Variants in PPM1F observed in about 807,000 individuals in gnomAD.
PPM1F encodes protein phosphatase, Mg2+/Mn2+ dependent 1F, also known as protein phosphatase 1F.
PPM1F carries 17 observed loss-of-function variants against 35.5 expected under a neutral mutation model. The observed-to-expected ratio is 0.48, with a 90% confidence interval of 0.33 to 0.72. The LOEUF is 0.72. Among genes scored for constraint, PPM1F ranks in the 30% least tolerant of loss-of-function variants. PPM1F has a pLI of 0.02. For missense variants in PPM1F, 521 were observed against 613.0 expected (o/e 0.85, Z 1.59); for synonymous variants, 241 against 255.5 (o/e 0.94, Z 0.54).
chr22:21,945,594 G>A (rs751792873), intron 2 of PPM1F: 42 of 516,694 alleles, frequency 8.1e-5, no homozygotes, highest in Non-Finnish European at 1.2e-4. Context: ...AGAGCATGGC[G>A]CAGCTGCCAC....
At chr22:21,932,195 C>A (rs898398827) in intron 5 of PPM1F, among the ~76,000 whole-genome samples, 1 of 152,002 alleles carries the variant, frequency 6.6e-6, no homozygotes, top group African/African-American at 2.4e-5. Flanking sequence ...TGAAGTGATC[C>A]GCCGGCCTCT....
At chr22:21,930,126 G>A (rs552387641) in intron 6 of PPM1F, among the ~76,000 whole-genome samples, 5 of 152,294 alleles carry the variant, frequency 3.3e-5, no homozygotes, top group African/African-American at 1.2e-4. Context: ...TTGAAAACAC[G>A]CTCAAACTCA....
chr22:21,951,397 C>G (rs899473070), intron 1 of PPM1F: 1 of 147,092 alleles, frequency 6.8e-6, no homozygotes, highest in African/African-American at 2.5e-5. Flanking sequence ...CTCTTGTTGC[C>G]CAGGCTGGAG....
rs1437352009 is a variant in PPM1F, at chr22:21,938,098, GGGCAGGCGAGACTTCCTTC to G, written c.355+1415_355+1433del. On this transcript the variant is annotated intron_variant, in intron 3 of 7. Coordinates refer to ENST00000263212, the MANE Select transcript of PPM1F (RefSeq NM_014634.4). ...GGCACTCTGACAGACGGGGAAGCAA[GGGCAGGCGAGACTTCCTTC>G]TAGCTGCGCCCTCCCTCCTTCCCAG... The G allele has an allele frequency of 1.2e-5, 16 of 1,293,424 alleles. No homozygotes were observed. The Admixed American group carries it at 2.6e-4, about 21-fold the overall frequency. The allele number at this position is 1,293,424 out of a possible 1,614,324, so 80.1% of individuals were successfully genotyped here.
intron 1 of PPM1F, chr22:21,951,447 C>T (rs1406404993): frequency 6.6e-6 from 1 of 150,608 alleles, no homozygotes; most frequent in Admixed American, 6.7e-5. Flanking sequence ...CCTTCGCCTC[C>T]CAGGTTCAAG....
Position 21,923,128 on chromosome 22 carries a change from A to G in PPM1F, c.1329T>C (p.Leu443=). The G allele has an allele frequency of 1.9e-6, 3 of 1,612,016 alleles. No individual in the cohort carries two copies. Among genetic ancestry groups the G allele is most frequent in the Non-Finnish European group, 2.5e-6 (3 of 1,179,196 alleles). ...EGRRQDLPSS[L]PEPETQAPPR... is the part of the protein sequence containing the mutation. ...GTGGAGCCTGGGTCTCAGGTTCTGG[A>G]AGGCTGGAGGGCAAGTCCTGCCTCC... Residue 443 remains leucine, a synonymous_variant, in exon 8 of 8, where the codon CTT becomes CTC. Coordinates refer to ENST00000263212, the MANE Select transcript of PPM1F (RefSeq NM_014634.4).
chr22:21,932,091 T>C (rs1413536419), intron 5 of PPM1F, among the ~76,000 whole-genome samples: 1 of 152,086 alleles, frequency 6.6e-6, no homozygotes, highest in Non-Finnish European at 1.5e-5. Flanking sequence ...GTGCTGGGAT[T>C]ACAGGCATGA....
intron 7 of PPM1F, among the ~76,000 whole-genome samples, chr22:21,924,306 C>T (rs1450279382): frequency 2.1e-5 from 3 of 145,916 alleles, no homozygotes; most frequent in Non-Finnish European, 1.5e-5. Context: ...TCGCTCTTGT[C>T]GCCCAGGCTG....
intron 6 of PPM1F, among the ~76,000 whole-genome samples, chr22:21,930,310 C>G (rs190502602): frequency 6.6e-6 from 1 of 152,196 alleles, no homozygotes; most frequent in Admixed American, 6.5e-5. Flanking sequence ...CCAGACTGTA[C>G]GTGCATCAGT....
At position 21,931,102 on chromosome 22, in the gene PPM1F, A is replaced by C. The variant is rs535159280; in HGVS notation, c.891+46T>G. The C allele has an allele frequency of 5.0e-6, 8 of 1,607,996 alleles. No homozygotes were observed. In the African/African-American group the frequency reaches 1.1e-4, roughly 21 times the overall value. ...GGGGTTCCCCTATGGGCCCAGCATG[A>C]TGGAGGCCAGGAATATCCTGGGCCT... On this transcript the variant is annotated intron_variant, in intron 6 of 7. Coordinates refer to ENST00000263212, the MANE Select transcript of PPM1F (RefSeq NM_014634.4).
At position 21,939,378 on chromosome 22, in the gene PPM1F, G is replaced by T; in HGVS notation, c.355+154C>A. The stretch of plus-strand genomic sequence containing the variant: ...GACCGCCACCCTCCACCTCACTGGG[G>T]CCGCAAGCCTTCTCTGCTCCTTGAT... On this transcript the variant is annotated intron_variant, in intron 3 of 7. Coordinates refer to ENST00000263212, the MANE Select transcript of PPM1F (RefSeq NM_014634.4). The surrounding 1 kb of genome is among the most constrained non-coding windows in gnomAD (Gnocchi z 5.1). 1.0e-6 allele frequency: 1 copy of T among 1,000,400 alleles called. No homozygotes were observed. The highest frequency in any genetic ancestry group is 1.5e-6 in the Non-Finnish European group (1 of 685,994). 62.0% of individuals were successfully genotyped at this position (1,000,400 alleles called of 1,614,324 possible).
At chr22:21,938,623 C>A (rs240066) in intron 3 of PPM1F, 491,849 of 1,015,386 alleles carry the variant, frequency 0.48, 120,955 homozygotes, top group African/African-American at 0.67. Flanking sequence ...AGGAAATGGC[C>A]GACAGGAAAT....
At chr22:21,932,138 A>G (rs926362366) in intron 5 of PPM1F, among the ~76,000 whole-genome samples, 1 of 151,930 alleles carries the variant, frequency 6.6e-6, no homozygotes, top group Non-Finnish European at 1.5e-5. Flanking sequence ...TTTTTAGTAG[A>G]GACGAGGTTT....
intron 6 of PPM1F, 154 bp from the exon 7 acceptor site, chr22:21,925,816 A>G (rs1191144870): frequency 1.9e-6 from 1 of 531,040 alleles, no homozygotes; most frequent in East Asian, 3.0e-5. Flanking sequence ...GATGCACCCA[A>G]ACGAGGCTCA....
intron 3 of PPM1F, chr22:21,938,332 T>G: frequency 3.3e-6 from 4 of 1,205,762 alleles, no homozygotes; most frequent in Non-Finnish European, 3.2e-6. Flanking sequence ...GCCGGAAGCC[T>G]GCTGGCTCGG....
chr22:21,933,344 C>T (rs753745821), intron 5 of PPM1F, 47 bp downstream of exon 5: 1 of 1,547,552 alleles, frequency 6.5e-7, no homozygotes, highest in Non-Finnish European at 8.8e-7. Flanking sequence ...GGCTGGGACT[C>T]TCACTGGCCT....
rs1001901880 is a variant in PPM1F at position 21,931,004 on chromosome 22, C to T, written c.891+144G>A. 2.2e-6 allele frequency: 3 copies of T among 1,380,176 alleles called. No individual in the cohort carries two copies. The African/African-American group carries it at 4.4e-5, about 20-fold the overall frequency. 85.5% of individuals were successfully genotyped at this position (1,380,176 alleles called of 1,614,324 possible). On this transcript the variant is annotated intron_variant, in intron 6 of 7. Transcript: ENST00000263212. ...AGGGCTCACGTGGGACCCCCGGCCA[C>T]TCAAATCAGGCAGGGAGCCCTCCCT...
Position 21,939,682 on chromosome 22 carries a change from T to C in PPM1F, c.207-2A>G. 6.4e-7 allele frequency: 1 copy of C among 1,551,766 alleles called. No individual in the cohort carries two copies. The highest frequency in any genetic ancestry group is 8.7e-7 in the Non-Finnish European group (1 of 1,146,992). On this transcript the variant is annotated splice_acceptor_variant, in intron 2 of 7. Coordinates refer to ENST00000263212, the MANE Select transcript of PPM1F (RefSeq NM_014634.4). LOFTEE classifies it high-confidence loss of function. The surrounding 1 kb of genome is among the most constrained non-coding windows in gnomAD (Gnocchi z 5.1). ...GCAGCAAGTGGTGGCGGGGCCTTCC[T>C]AGGGATGAGGAGGGGGAAGTGAGGG...
chr22:21,933,521 G>A lies in PPM1F; in HGVS notation c.617C>T (p.Ala206Val), dbSNP rs1245372501. Residue 206 changes from alanine to valine, a missense_variant, in exon 5 of 8, where the codon GCG (alanine) becomes GTG (valine). Transcript: ENST00000263212. ...GTGCACGTGGACAGCGGCGTACCTC[G>A]CAGCATCCACGCCTCCGTGACCATC... ...VFDGHGGVDA[A>V]RYAAVHVHTN... is the part of the protein sequence containing the mutation. The A allele has an allele frequency of 3.1e-6, 5 of 1,613,748 alleles. No individual in the cohort carries two copies. The highest frequency in any genetic ancestry group is 2.2e-5 in the East Asian group (1 of 44,858).
Sources: gnomAD v4.1 joint callset for allele counts (sites outside exome capture counted in the v4.1 genomes callset) on GRCh38, gnomAD v4.1.1 for gene constraint, Gnocchi (gnomAD v3.1) non-coding constraint, MANE v1.5 for transcripts, NCBI Gene and HGNC (gene_info 2026-07-23, HGNC 2026-07-21) for gene names.